GNB5: variants seen among roughly 807,000 people sequenced by gnomAD.
GNB5 encodes G protein subunit beta 5.
A neutral mutation model predicts 55.3 loss-of-function variants in GNB5; 37 were observed. That is an observed-to-expected ratio of 0.67 (90% confidence interval 0.51 to 0.88). The LOEUF is 0.88. GNB5 is among the 40% of genes least tolerant of loss of function. The pLI, the probability that GNB5 is intolerant of heterozygous loss-of-function variation, is 0.00. For missense variants in GNB5, 476 were observed against 515.3 expected, an observed-to-expected ratio of 0.92 and a Z score of 0.74; for synonymous variants, 219 against 198.5, an observed-to-expected ratio of 1.10 and a Z score of -0.87.
chr15:52,118,333 A>G lies in GNB5; in HGVS notation c.*4424T>C, dbSNP rs1353556456. 1 of 151,928 alleles carries G rather than the reference A, an allele frequency of 6.6e-6. No homozygotes were observed. The highest frequency in any genetic ancestry group is 1.9e-4 in the East Asian group (1 of 5,184). 9.4% of individuals were successfully genotyped at this position (151,928 alleles called of 1,614,324 possible). A position where few individuals can be genotyped will look rare whatever the true frequency, so the allele number is the denominator to read the frequency against. ...ACCCTTTCAGGGGGTCCTCACGGTC[A>G]AAACTATTTTCATAATAATATTGAC... On this transcript the variant is annotated 3_prime_UTR_variant, in exon 13 of 13. Coordinates refer to ENST00000261837, the MANE Select transcript of GNB5 (RefSeq NM_016194.4).
At chr15:52,142,466 GT>G (rs533982917) in intron 6 of GNB5, among the ~76,000 whole-genome samples, 7 of 148,360 alleles carry the variant, frequency 4.7e-5, no homozygotes, top group South Asian at 2.2e-4. Context: ...CCATAAATTT[GT>G]TTTTTTTTCT....
intron 7 of GNB5, chr15:52,137,128 T>C: frequency 1.5e-6 from 1 of 682,946 alleles, no homozygotes. Context: ...AATTCCTCCA[T>C]TTTCAGAACC....
Position 52,117,854 on chromosome 15 carries a change from C to T in GNB5, c.*4903G>A, listed in dbSNP as rs755300263. 12 of 152,336 alleles carry T rather than the reference C, an allele frequency of 7.9e-5. No homozygotes were observed. Among genetic ancestry groups the T allele is most frequent in the African/African-American group, 2.9e-4 (12 of 41,472 alleles). The allele number at this position is 152,336 out of a possible 1,614,324, so 9.4% of individuals were successfully genotyped here. ...AGATCTCAGGGCAGGGCCCTGAAGGCGCAGTGCAGGAACCTGCCATGGGTG... is the reference window on the plus strand; with the variant it reads ...AGATCTCAGGGCAGGGCCCTGAAGGTGCAGTGCAGGAACCTGCCATGGGTG... On this transcript the variant is annotated 3_prime_UTR_variant, in exon 13 of 13. Transcript: ENST00000261837.
Position 52,147,549 on chromosome 15 carries a change from C to T in GNB5, c.418-14G>A. ...GACCGCGTGCTCCTGAAACACAGCA[C>T]AGAGTGAACAACTAGCACTTCCACA... On this transcript the variant is annotated splice_polypyrimidine_tract_variant and intron_variant, in intron 5 of 12. Transcript: ENST00000261837. 2 of 1,435,678 alleles carry T rather than the reference C, an allele frequency of 1.4e-6. No individual in the cohort carries two copies. Among genetic ancestry groups the T allele is most frequent in the Non-Finnish European group, 1.9e-6 (2 of 1,044,526 alleles). 88.9% of individuals were successfully genotyped at this position (1,435,678 alleles called of 1,614,324 possible). A position where few individuals can be genotyped will look rare whatever the true frequency, so the allele number is the denominator to read the frequency against.
rs181928612 is a variant in GNB5 at position 52,150,922 on chromosome 15, T to G, written c.376-997A>C. 2.9e-3 allele frequency among the ~76,000 whole-genome samples: 434 copies of G among 151,638 alleles called. 4 individuals are homozygous for G. Among genetic ancestry groups the G allele is most frequent in the Admixed American group, 0.017 (253 of 15,034 alleles). ...TCACTCAAGCCATCTGGGGCCAAACTTTGGTGAATGAGGTGGCAGAGATAT... is the reference window on the plus strand; with the variant it reads ...TCACTCAAGCCATCTGGGGCCAAACGTTGGTGAATGAGGTGGCAGAGATAT... On this transcript the variant is annotated intron_variant, in intron 4 of 12. Coordinates refer to ENST00000261837, the MANE Select transcript of GNB5 (RefSeq NM_016194.4).
rs141997052 is a variant in GNB5 at position 52,168,590 on chromosome 15, C to T, written c.238+11178G>A. ...GCGATTCCCATTAAACTACCATTGA[C>T]ATTCTTCATAGAATAGGAAAAAAAA... On this transcript the variant is annotated intron_variant, in intron 3 of 12. Transcript: ENST00000261837. 8.7e-3 allele frequency among the ~76,000 whole-genome samples: 1,322 copies of T among 152,266 alleles called. 8 individuals carry two copies. The highest frequency in any genetic ancestry group is 0.014 in the Non-Finnish European group (930 of 68,016).
intron 7 of GNB5, chr15:52,139,916 C>G: frequency 3.9e-6 from 5 of 1,286,512 alleles, no homozygotes; most frequent in Non-Finnish European, 4.0e-6. Context: ...TCGTGGTAGC[C>G]CCCTGAGCCT....
chr15:52,162,277 G>A (rs753561528), intron 3 of GNB5, among the ~76,000 whole-genome samples: 1 of 152,154 alleles, frequency 6.6e-6, no homozygotes, highest in Non-Finnish European at 1.5e-5. Context: ...TTTTCATCAC[G>A]ATGTGGCTTA....
intron 5 of GNB5, chr15:52,149,542 T>G: frequency 1.8e-6 from 1 of 564,918 alleles, no homozygotes; most frequent in Admixed American, 3.1e-5. Flanking sequence ...GGAGAGAGAA[T>G]GGAGAATTTT....
intron 3 of GNB5, among the ~76,000 whole-genome samples, chr15:52,164,450 C>G (rs2034408804): frequency 6.6e-6 from 1 of 151,476 alleles, no homozygotes; most frequent in Non-Finnish European, 1.5e-5. Flanking sequence ...AACCCCGTCT[C>G]TACTGAAAAC....
At chr15:52,152,628 T>C (rs1425393085) in intron 4 of GNB5, among the ~76,000 whole-genome samples, 1 of 143,708 alleles carries the variant, frequency 7.0e-6, no homozygotes, top group Non-Finnish European at 1.5e-5. Flanking sequence ...CCTGGCTGAA[T>C]ATCTCTCTTT....
chr15:52,116,665 T>C lies in GNB5; in HGVS notation c.*6092A>G, dbSNP rs1001434311. On this transcript the variant is annotated 3_prime_UTR_variant, in exon 13 of 13. Coordinates refer to ENST00000261837, the MANE Select transcript of GNB5 (RefSeq NM_016194.4). ...ATGACAAATAGAGCTGGGGAGGCCA[T>C]GAAGAGGGGATTCTCATGCTTGTAT... The C allele has an allele frequency of 1.3e-5, 2 of 152,160 alleles. No individual in the cohort carries two copies. Among genetic ancestry groups the C allele is most frequent in the African/African-American group, 2.4e-5 (1 of 41,442 alleles). The allele number at this position is 152,160 out of a possible 1,614,324, so 9.4% of individuals were successfully genotyped here.
rs1162333386 is a variant in GNB5, at chr15:52,119,912, G to T, written c.*2845C>A. On this transcript the variant is annotated 3_prime_UTR_variant, in exon 13 of 13. Coordinates refer to ENST00000261837, the MANE Select transcript of GNB5 (RefSeq NM_016194.4). ...TGTTTTAAGCCACTTATAACCTAGA[G>T]AAGGGTGCAAAGGAGGTAGAAGAGC... 6.6e-6 allele frequency: 1 copy of T among 152,198 alleles called. No individual in the cohort carries two copies. The highest frequency in any genetic ancestry group is 1.5e-5 in the Non-Finnish European group (1 of 68,066). 9.4% of individuals were successfully genotyped at this position (152,198 alleles called of 1,614,324 possible). A position where few individuals can be genotyped will look rare whatever the true frequency, so the allele number is the denominator to read the frequency against.
At chr15:52,152,176 C>T (rs1348678713) in intron 4 of GNB5, among the ~76,000 whole-genome samples, 3 of 150,244 alleles carry the variant, frequency 2.0e-5, no homozygotes, top group Non-Finnish European at 4.4e-5. Context: ...CTGACACAGA[C>T]GTTACAGTTT....
intron 3 of GNB5, among the ~76,000 whole-genome samples, chr15:52,163,690 G>A (rs771948583): frequency 6.6e-6 from 1 of 152,182 alleles, no homozygotes. Context: ...GATGAGGGAG[G>A]TTTCCCCCAG....
intron 6 of GNB5, chr15:52,144,233 C>T (rs372002892): frequency 1.2e-4 from 19 of 152,246 alleles, no homozygotes; most frequent in African/African-American, 4.6e-4. Flanking sequence ...TAAGAAACAG[C>T]CACAGCATCA....
chr15:52,161,454 C>T (rs372347623), intron 3 of GNB5, among the ~76,000 whole-genome samples: 51 of 152,218 alleles, frequency 3.4e-4, no homozygotes, highest in African/African-American at 1.0e-3. Flanking sequence ...CGCGCTACCA[C>T]GCCCGGCTAA....
intron 10 of GNB5, among the ~76,000 whole-genome samples, chr15:52,127,050 G>A (rs1453262914): frequency 4.6e-5 from 7 of 152,136 alleles, no homozygotes; most frequent in Non-Finnish European, 1.0e-4. Flanking sequence ...ACCCACCTTG[G>A]CCTCCCACAG....
rs56029917 is a variant in GNB5, at chr15:52,164,308, TAAAAAAAA to T, written c.239-10240_239-10233del. ...GGGAGACAACAGCAAGACTCTGTCT[TAAAAAAAA>T]AAAAAAAAAAAAAAAAAAAATGCTG... On this transcript the variant is annotated intron_variant, in intron 3 of 12. Transcript: ENST00000261837. Among the ~76,000 whole-genome samples, 421 of 50,422 alleles carry T rather than the reference TAAAAAAAA, an allele frequency of 8.3e-3. 4 individuals carry two copies. The highest frequency in any genetic ancestry group is 0.027 in the African/African-American group (401 of 14,756). 33.1% of individuals were successfully genotyped at this position (50,422 alleles called of 152,430 possible).
Sources: gnomAD v4.1 joint callset for allele counts (sites outside exome capture counted in the v4.1 genomes callset) on GRCh38, gnomAD v4.1.1 for gene constraint, MANE v1.5 for transcripts, NCBI Gene and HGNC (gene_info 2026-07-23, HGNC 2026-07-21) for gene names.